KHDRBS3: variants seen among roughly 807,000 people sequenced by gnomAD.
The protein encoded by KHDRBS3 is KH RNA binding domain containing, signal transduction associated 3.
Under a neutral mutation model 45.6 loss-of-function variants are expected in KHDRBS3, and 23 were observed. The ratio of observed to expected loss-of-function variants is 0.50; its 90% CI spans 0.36 to 0.72. The LOEUF (loss-of-function observed/expected upper bound fraction) is 0.72. Among genes scored for constraint, KHDRBS3 ranks in the 30% least tolerant of loss-of-function variants. The pLI, the probability that KHDRBS3 is intolerant of heterozygous loss-of-function variation, is 0.00. For synonymous variants in KHDRBS3, 162 were observed against 156.5 expected, an observed-to-expected ratio of 1.04 and a Z score of -0.26; for missense variants, 352 against 424.8, an observed-to-expected ratio of 0.83 and a Z score of 1.51.
intron 7 of KHDRBS3, among the ~76,000 whole-genome samples, chr8:135,634,431 G>A (rs185397452): frequency 3.7e-4 from 57 of 152,086 alleles, no homozygotes; most frequent in African/African-American, 1.3e-3. Context: ...TCTTAGAGGG[G>A]GATTCTCTGA....
chr8:135,557,823 C>T (rs1225211787), intron 5 of KHDRBS3, among the ~76,000 whole-genome samples: 1 of 152,114 alleles, frequency 6.6e-6, no homozygotes, highest in East Asian at 1.9e-4. Context: ...TAGTGAGACC[C>T]TATCACTTTA....
At chr8:135,561,891 T>C (rs1201749380) in intron 5 of KHDRBS3, among the ~76,000 whole-genome samples, 3 of 151,978 alleles carry the variant, frequency 2.0e-5, no homozygotes, top group Non-Finnish European at 2.9e-5. Context: ...AGAGTACTGA[T>C]AGGATAAAGA....
Position 135,462,686 on chromosome 8 carries a change from A to G in KHDRBS3, c.88+4732A>G, listed in dbSNP as rs555816266. On this transcript the variant is annotated intron_variant, in intron 1 of 8. Coordinates refer to ENST00000355849, the MANE Select transcript of KHDRBS3 (RefSeq NM_006558.3). ...TCAGAGATGGAGAGGTTATTAGCCTAGTTTTTCAGTTGTAGAAACCAAGAT... is the reference window on the plus strand; with the variant it reads ...TCAGAGATGGAGAGGTTATTAGCCTGGTTTTTCAGTTGTAGAAACCAAGAT... 2.0e-5 allele frequency among the ~76,000 whole-genome samples: 3 copies of G among 152,296 alleles called. No individual in the cohort carries two copies. In the East Asian group the frequency reaches 5.8e-4, roughly 29 times the overall value.
intron 1 of KHDRBS3, among the ~76,000 whole-genome samples, chr8:135,503,195 G>C (rs1823820124): frequency 6.6e-6 from 1 of 152,212 alleles, no homozygotes; most frequent in African/African-American, 2.4e-5. Flanking sequence ...AAATATACTT[G>C]TGTATAATAT....
At chr8:135,578,384 G>T (rs1275487905) in intron 5 of KHDRBS3, among the ~76,000 whole-genome samples, 1 of 149,726 alleles carries the variant, frequency 6.7e-6, no homozygotes, top group African/African-American at 2.4e-5. Flanking sequence ...GATACATTTT[G>T]AGTTGATTTT....
At chr8:135,533,400 T>C (rs1197338412) in intron 2 of KHDRBS3, among the ~76,000 whole-genome samples, 1 of 152,144 alleles carries the variant, frequency 6.6e-6, no homozygotes, top group Non-Finnish European at 1.5e-5. Context: ...CTACGTATGG[T>C]AGTGTTAATG....
At chr8:135,606,280 C>A (rs865905458) in intron 6 of KHDRBS3, among the ~76,000 whole-genome samples, 9 of 152,020 alleles carry the variant, frequency 5.9e-5, no homozygotes, top group Middle Eastern at 3.4e-3. Context: ...AGGAATAATT[C>A]AGAGCTTTAC....
intron 1 of KHDRBS3, among the ~76,000 whole-genome samples, chr8:135,489,196 T>C (rs1823016279): frequency 6.6e-6 from 1 of 152,172 alleles, no homozygotes; most frequent in Non-Finnish European, 1.5e-5. Flanking sequence ...CCTTTCAAAG[T>C]TTGCCTTACT....
intron 7 of KHDRBS3, among the ~76,000 whole-genome samples, chr8:135,641,842 T>C (rs1268686531): frequency 6.6e-6 from 1 of 152,256 alleles, no homozygotes; most frequent in Non-Finnish European, 1.5e-5. Flanking sequence ...TTAATAGCAT[T>C]CTCATATTTA....
chr8:135,500,354 A>G (rs1586616730), intron 1 of KHDRBS3, among the ~76,000 whole-genome samples: 1 of 152,128 alleles, frequency 6.6e-6, no homozygotes. Flanking sequence ...GTTTCCAAAG[A>G]ATAGAAACTG....
chr8:135,524,695 C>T (rs1210738417), intron 2 of KHDRBS3, among the ~76,000 whole-genome samples: 4 of 150,902 alleles, frequency 2.7e-5, no homozygotes, highest in East Asian at 3.9e-4. Context: ...TTCTGTGGCT[C>T]TGTTTTTTTT....
intron 1 of KHDRBS3, 81 bp downstream of exon 1, chr8:135,458,035 GC>G: frequency 6.8e-7 from 1 of 1,459,860 alleles, no homozygotes; most frequent in Non-Finnish European, 9.0e-7. Context: ...GCCCCTCCGT[GC>G]CCTCTGCTGT....
intron 1 of KHDRBS3, among the ~76,000 whole-genome samples, chr8:135,512,748 A>G (rs748978779): frequency 6.6e-6 from 1 of 152,230 alleles, no homozygotes; most frequent in African/African-American, 2.4e-5. Flanking sequence ...GAATAAATAG[A>G]TGTTCTTAAC....
chr8:135,620,371 G>A (rs900428313), intron 7 of KHDRBS3, among the ~76,000 whole-genome samples: 1 of 152,062 alleles, frequency 6.6e-6, no homozygotes, highest in African/African-American at 2.4e-5. Context: ...CAAAGTGCTG[G>A]GATTACAGGT....
intron 1 of KHDRBS3, among the ~76,000 whole-genome samples, chr8:135,485,019 A>G (rs1309861075): frequency 6.6e-6 from 1 of 152,216 alleles, no homozygotes; most frequent in Admixed American, 6.5e-5. Context: ...CAGGATGTGT[A>G]CAGTGGCACT....
rs934428474 is a variant in KHDRBS3 at position 135,535,409 on chromosome 8, T to A, written c.208-7245T>A. 1.5e-4 allele frequency among the ~76,000 whole-genome samples: 21 copies of A among 140,996 alleles called. 1 individual carries two copies. The highest frequency in any genetic ancestry group is 5.4e-4 in the African/African-American group (21 of 38,790). The allele number at this position is 140,996 out of a possible 152,430, so 92.5% of individuals were successfully genotyped here. ...TATAGTTAAACTATATATAAACTAT[T>A]ATATATAGTTAAACTATATATAAAC... On this transcript the variant is annotated intron_variant, in intron 2 of 8. Transcript: ENST00000355849.
rs1165308351 is a variant in KHDRBS3, at chr8:135,647,318, A to G, written c.*234A>G. The G allele has an allele frequency of 6.2e-6, 2 of 320,560 alleles. No individual in the cohort carries two copies. The highest frequency in any genetic ancestry group is 4.3e-5 in the African/African-American group (2 of 46,598). The allele number at this position is 320,560 out of a possible 1,614,324, so 19.9% of individuals were successfully genotyped here. A position where few individuals can be genotyped will look rare whatever the true frequency, so the allele number is the denominator to read the frequency against. Reference sequence around the variant, plus strand: ...TATGAAAAAATAGGTCATCAAAAGGAAAAAAAATAACTTTGATTAACTAGT... The same window carrying G: ...TATGAAAAAATAGGTCATCAAAAGGGAAAAAAATAACTTTGATTAACTAGT... On this transcript the variant is annotated 3_prime_UTR_variant, in exon 9 of 9. Coordinates refer to ENST00000355849, the MANE Select transcript of KHDRBS3 (RefSeq NM_006558.3).
chr8:135,628,058 C>T (rs1437875261), intron 7 of KHDRBS3, among the ~76,000 whole-genome samples: 5 of 152,090 alleles, frequency 3.3e-5, no homozygotes, highest in African/African-American at 4.8e-5. Context: ...TGCTGTTGTT[C>T]TGCTTGGAAT....
At chr8:135,596,901 A>T (rs915425986) in intron 6 of KHDRBS3, among the ~76,000 whole-genome samples, 2 of 152,118 alleles carry the variant, frequency 1.3e-5, no homozygotes, top group Non-Finnish European at 1.5e-5. Flanking sequence ...TCTCATGTCC[A>T]CCTTGCTCAT....
Sources: gnomAD v4.1 joint callset for allele counts (sites outside exome capture counted in the v4.1 genomes callset) on GRCh38, gnomAD v4.1.1 for gene constraint, MANE v1.5 for transcripts, NCBI Gene and HGNC (gene_info 2026-07-23, HGNC 2026-07-21) for gene names.